TTC1: variants seen among roughly 807,000 people sequenced by gnomAD.
TTC1 encodes tetratricopeptide repeat protein 1.
In TTC1, 31 loss-of-function variants were observed where a neutral mutation model predicts 37.6. The ratio of observed to expected loss-of-function variants is 0.82; its 90% CI spans 0.62 to 1.11. The LOEUF (loss-of-function observed/expected upper bound fraction) is 1.11, where lower values mean the gene tolerates loss of function less well. TTC1 is among the 50% of genes most tolerant of loss of function. TTC1 has a pLI of 0.00. For missense variants in TTC1, 351 were observed against 339.0 expected, an observed-to-expected ratio of 1.04 and a Z score of -0.28; for synonymous variants, 127 against 122.4, an observed-to-expected ratio of 1.04 and a Z score of -0.25.
chr5:160,045,497 CA>C (rs1757199394), intron 5 of TTC1, among the ~76,000 whole-genome samples: 4 of 114,830 alleles, frequency 3.5e-5, no homozygotes, highest in Non-Finnish European at 5.4e-5. Flanking sequence ...CACACACACA[CA>C]CACACACACA....
intron 5 of TTC1, among the ~76,000 whole-genome samples, chr5:160,044,074 C>T (rs780657943): frequency 6.6e-6 from 1 of 152,214 alleles, no homozygotes; most frequent in African/African-American, 2.4e-5. Flanking sequence ...CTTTTTCTTG[C>T]GGCTTAGTCT....
chr5:160,017,193 T>TA (rs1756621251), intron 2 of TTC1, among the ~76,000 whole-genome samples: 1 of 152,202 alleles, frequency 6.6e-6, no homozygotes, highest in South Asian at 2.1e-4. Context: ...ATTGCAATAA[T>TA]AACATTATGA....
At chr5:160,050,391 G>A (rs1757369840) in intron 6 of TTC1, among the ~76,000 whole-genome samples, 1 of 152,156 alleles carries the variant, frequency 6.6e-6, no homozygotes, top group Non-Finnish European at 1.5e-5. Flanking sequence ...AGGTTGCAGT[G>A]AGCTGAGATT....
At chr5:160,028,673 G>A (rs573891023) in intron 2 of TTC1, among the ~76,000 whole-genome samples, 30 of 151,888 alleles carry the variant, frequency 2.0e-4, no homozygotes, top group South Asian at 8.3e-4. Flanking sequence ...ACAGGGTTTC[G>A]CCATGTTGCC....
intron 5 of TTC1, among the ~76,000 whole-genome samples, chr5:160,045,505 CACACACACA>C (rs1757201997): frequency 3.7e-4 from 36 of 97,258 alleles, no homozygotes; most frequent in African/African-American, 8.5e-4. Context: ...CACACACACA[CACACACACA>C]TACACACTCT....
chr5:160,026,655 T>A (rs1756812056), intron 2 of TTC1, among the ~76,000 whole-genome samples: 1 of 152,250 alleles, frequency 6.6e-6, no homozygotes, highest in South Asian at 2.1e-4. Context: ...TATCTTTTTT[T>A]TATACTTTTA....
intron 7 of TTC1, among the ~76,000 whole-genome samples, chr5:160,052,434 C>T (rs1425389929): frequency 2.7e-5 from 4 of 148,818 alleles, no homozygotes; most frequent in African/African-American, 9.9e-5. Context: ...CTGCAGTGAG[C>T]TATGATGGTG....
chr5:160,056,765 A>G (rs1442433379), intron 7 of TTC1, among the ~76,000 whole-genome samples: 1 of 152,136 alleles, frequency 6.6e-6, no homozygotes, highest in Non-Finnish European at 1.5e-5. Context: ...TGAGTGCCAT[A>G]TTAAAGAGCT....
chr5:160,031,753 A>G lies in TTC1; in HGVS notation c.331-3387A>G, dbSNP rs138807815. Among the ~76,000 whole-genome samples, 745 of 152,214 alleles carry G rather than the reference A, an allele frequency of 4.9e-3. 16 individuals carry two copies. The highest frequency in any genetic ancestry group is 0.016 in the East Asian group (81 of 5,182). The stretch of plus-strand genomic sequence containing the variant: ...ACACTGGCTCACACCTATAATCCCA[A>G]CACACTAGGAGGCTGAGATGAGAAG... On this transcript the variant is annotated intron_variant, in intron 2 of 7. Transcript: ENST00000231238.
rs988434191 is a variant in TTC1, at chr5:160,059,407, G to A, written c.746-5525G>A. Among the ~76,000 whole-genome samples the A allele has an allele frequency of 3.3e-5, 5 of 152,318 alleles. No individual in the cohort carries two copies. The East Asian group carries it at 5.8e-4, about 18-fold the overall frequency. On this transcript the variant is annotated intron_variant, in intron 7 of 7. Transcript: ENST00000231238. The stretch of plus-strand genomic sequence containing the variant: ...TAGGGCCTTGCTGTGGTAATCCAAG[G>A]CTTTGGCTTAAGGGAATGTTGTGGC...
chr5:160,023,181 G>A (rs996767879), intron 2 of TTC1, among the ~76,000 whole-genome samples: 5 of 151,838 alleles, frequency 3.3e-5, no homozygotes, highest in Admixed American at 1.3e-4. Flanking sequence ...ACTTGAACCC[G>A]GTAGGCGGAG....
intron 2 of TTC1, among the ~76,000 whole-genome samples, chr5:160,018,954 T>G (rs1259020156): frequency 6.6e-6 from 1 of 152,234 alleles, no homozygotes; most frequent in Admixed American, 6.5e-5. Flanking sequence ...TTAGAATGAT[T>G]CCTTGTCTTC....
chr5:160,026,130 A>G (rs149068082), intron 2 of TTC1, among the ~76,000 whole-genome samples: 147 of 152,348 alleles, frequency 9.6e-4, no homozygotes, highest in Middle Eastern at 3.4e-3. Flanking sequence ...TTGCAAGCAT[A>G]CATTCCACAG....
rs758080818 is a variant in TTC1, at chr5:160,049,501, TCTC to T, written c.542-12_542-10del. 3 of 1,552,064 alleles carry T rather than the reference TCTC, an allele frequency of 1.9e-6. No homozygotes were observed. The highest frequency in any genetic ancestry group is 1.7e-6 in the Non-Finnish European group (2 of 1,155,660). ...TTTCTTTGTGATAAAAATTATTTCT[TCTC>T]TTTTTACAGCAATTCAATTAAACCC... On this transcript the variant is annotated splice_polypyrimidine_tract_variant and intron_variant, in intron 5 of 7. Transcript: ENST00000231238.
intron 7 of TTC1, among the ~76,000 whole-genome samples, chr5:160,058,597 G>C (rs1452559902): frequency 3.3e-5 from 5 of 151,824 alleles, no homozygotes; most frequent in Admixed American, 1.3e-4. Flanking sequence ...TTTTTTAGTA[G>C]AGACAGGGTT....
intron 3 of TTC1, among the ~76,000 whole-genome samples, chr5:160,035,949 A>C (rs887328657): frequency 1.4e-5 from 2 of 146,218 alleles, no homozygotes; most frequent in African/African-American, 5.3e-5. Flanking sequence ...TTCAGATTTT[A>C]GGGTTTTTTT....
intron 4 of TTC1, among the ~76,000 whole-genome samples, chr5:160,042,178 C>T (rs182164165): frequency 2.0e-5 from 3 of 152,316 alleles, no homozygotes; most frequent in Admixed American, 2.0e-4. Flanking sequence ...GATCCGCCCA[C>T]CTTGGTCCTC....
rs763894204 is a variant in TTC1 at position 160,015,289 on chromosome 5, G to A, written c.330+4431G>A. Among the ~76,000 whole-genome samples the A allele has an allele frequency of 1.3e-3, 199 of 152,022 alleles. 3 individuals carry two copies. Among genetic ancestry groups the A allele is most frequent in the Non-Finnish European group, 3.8e-4 (26 of 67,976 alleles). ...AGAGGTGCGATCATAGTTCACTGGA[G>A]GCTTCAACCTCCTGGGCTCAAGCAA... is the stretch of plus-strand genomic sequence containing the variant. On this transcript the variant is annotated intron_variant, in intron 2 of 7. Transcript: ENST00000231238.
Position 160,010,979 on chromosome 5 carries a change from T to C in TTC1, c.330+121T>C, listed in dbSNP as rs1392745772. The C allele has an allele frequency of 3.2e-5, 30 of 943,712 alleles. No individual in the cohort carries two copies. In the South Asian group the frequency reaches 4.4e-4, roughly 14 times the overall value. 58.5% of individuals were successfully genotyped at this position (943,712 alleles called of 1,614,324 possible). A position where few individuals can be genotyped will look rare whatever the true frequency, so the allele number is the denominator to read the frequency against. On this transcript the variant is annotated intron_variant, in intron 2 of 7. Transcript: ENST00000231238. ...AATAACTTGCCCCTTTGTCTTCTTATGGCTTTAGTAGTGTTGGATCTGAGA... is the reference window on the plus strand; with the variant it reads ...AATAACTTGCCCCTTTGTCTTCTTACGGCTTTAGTAGTGTTGGATCTGAGA...
Sources: allele counts gnomAD v4.1 joint callset (sites outside exome capture counted in the v4.1 genomes callset), GRCh38; gene constraint gnomAD v4.1.1; transcripts MANE v1.5; gene names NCBI Gene and HGNC (gene_info 2026-07-23, HGNC 2026-07-21).